Variants in PARP12 observed in about 807,000 individuals in gnomAD.
PARP12 encodes the protein poly(ADP-ribose) polymerase family member 12, also known as protein mono-ADP-ribosyltransferase PARP12.
In PARP12, 59 loss-of-function variants were observed where a neutral mutation model predicts 72.4. That is an observed-to-expected ratio of 0.81 (90% CI 0.66 to 1.01). The LOEUF is 1.01. Ranked by LOEUF, PARP12 falls within the 50% of genes least tolerant of loss-of-function variation. PARP12 has a pLI of 0.00. For synonymous variants in PARP12, 403 were observed against 371.4 expected (o/e 1.09, Z -0.98); for missense variants, 851 against 914.0 (o/e 0.93, Z 0.89).
In PARP12 at chr7:140,054,719, G is replaced by C. The variant is rs199760576; in HGVS notation, c.805C>G (p.Gln269Glu). Residue 269 changes from glutamine (Q) to glutamate (E), a missense_variant, in exon 4 of 12, where the codon CAG (glutamine) becomes GAG (glutamate). By Grantham distance (29) the Gln-to-Glu change is conservative (BLOSUM62 2). Around this residue, in one of 3 missense-constraint regions of PARP12, gnomAD observed 492 missense variants for 489.3 expected, o/e 1.01. Coordinates refer to ENST00000263549, the MANE Select transcript of PARP12 (RefSeq NM_022750.4). ...AAACAGATCTGATCACCCTCCTCCT[G>C]GCTAAGAGTGTTTGGGGACACAGAA... ...SGSVSPNTLSQEEGDQICLYH... is the reference protein window; with the variant it reads ...SGSVSPNTLSEEEGDQICLYH... The C allele has an allele frequency of 2.5e-6, 4 of 1,614,086 alleles. No homozygotes were observed. The highest frequency in any genetic ancestry group is 1.7e-6 in the Non-Finnish European group (2 of 1,179,960).
intron 1 of PARP12, among the ~76,000 whole-genome samples, chr7:140,058,727 G>A (rs1172922200): frequency 6.6e-6 from 1 of 152,152 alleles, no homozygotes; most frequent in African/African-American, 2.4e-5. Flanking sequence ...CTGGCAAACT[G>A]AAAGCTGATA....
chr7:140,062,545 G>A lies in PARP12; in HGVS notation c.303C>T (p.Gly101=), dbSNP rs374755899. 3.9e-6 allele frequency: 6 copies of A among 1,555,294 alleles called. No individual in the cohort carries two copies. The highest frequency in any genetic ancestry group is 2.7e-5 in the African/African-American group (2 of 72,950). ...QLHLCRFMVY[G]ACKFLRAGKN... ...ACCCGGCTCTCAGGAACTTGCAGGC[G>A]CCGTAGACCATGAACCTGCAGAGGT... The change falls in exon 1 of 12, where the codon GGC becomes GGT. Residue 101 remains glycine, a synonymous_variant. Transcript: ENST00000263549.
At position 140,025,023 on chromosome 7, in the gene PARP12, G is replaced by C. The variant is rs1248569852; in HGVS notation, c.1781-138C>G. The C allele has an allele frequency of 4.1e-6, 3 of 737,936 alleles. No individual in the cohort carries two copies. The African/African-American group carries it at 5.3e-5, about 13-fold the overall frequency. The allele number at this position is 737,936 out of a possible 1,614,324, so 45.7% of individuals were successfully genotyped here. A position where few individuals can be genotyped will look rare whatever the true frequency, so the allele number is the denominator to read the frequency against. On this transcript the variant is annotated intron_variant, in intron 11 of 11. Transcript: ENST00000263549. ...CCCGCATCTCCCTCCCTCCCTCTGT[G>C]CCATGTCTCCACTCTCCCTCATGAA... is the stretch of plus-strand genomic sequence containing the variant.
Position 140,054,850 on chromosome 7 carries a change from A to T in PARP12, c.761-87T>A. On this transcript the variant is annotated intron_variant, in intron 3 of 11. Coordinates refer to ENST00000263549, the MANE Select transcript of PARP12 (RefSeq NM_022750.4). ...GAGGATTCATTCAGTTCTCTGCACA[A>T]AAGTGGGCAACGCAAGCTCACAAAG... 1.4e-5 allele frequency: 16 copies of T among 1,171,980 alleles called. No homozygotes were observed. In the South Asian group the frequency reaches 1.9e-4, roughly 14 times the overall value. The allele number at this position is 1,171,980 out of a possible 1,614,324, so 72.6% of individuals were successfully genotyped here. A position where few individuals can be genotyped will look rare whatever the true frequency, so the allele number is the denominator to read the frequency against.
chr7:140,053,755 T>C (rs1055974502), intron 4 of PARP12, among the ~76,000 whole-genome samples: 1 of 152,164 alleles, frequency 6.6e-6, no homozygotes, highest in South Asian at 2.1e-4. Context: ...TACTACACAC[T>C]TGTTTTTAAA....
At chr7:140,046,554 A>AC (rs1816730244) in intron 5 of PARP12, among the ~76,000 whole-genome samples, 1 of 152,260 alleles carries the variant, frequency 6.6e-6, no homozygotes, top group African/African-American at 2.4e-5. Flanking sequence ...CAATCCCAGC[A>AC]CCAAACAATT....
chr7:140,025,170 C>T, intron 11 of PARP12: 1 of 428,330 alleles, frequency 2.3e-6, no homozygotes, highest in Non-Finnish European at 4.3e-6. Context: ...GGCCTGTGGA[C>T]ACGTCACTAC....
At position 140,024,756 on chromosome 7, in the gene PARP12, G is replaced by T. The variant is rs35360282; in HGVS notation, c.1910C>A (p.Pro637Gln). The T allele has an allele frequency of 6.2e-7, 1 of 1,614,028 alleles. No homozygotes were observed. Among genetic ancestry groups the T allele is most frequent in the Non-Finnish European group, 8.5e-7 (1 of 1,179,890 alleles). Reference protein sequence around the residue: ...FVRGNASFVRPPAKEGWSNAF... With the variant: ...FVRGNASFVRQPAKEGWSNAF... ...GTTGCTCCAGCCCTCCTTGGCCGGC[G>T]GACGGACAAAGGAGGCATTGCCCCT... is the stretch of plus-strand genomic sequence containing the variant. Residue 637 changes from proline (P) to glutamine (Q), a missense_variant, in exon 12 of 12, where the codon CCG (proline) becomes CAG (glutamine). Around this residue, in one of 3 missense-constraint regions of PARP12, gnomAD observed 347 missense variants for 396.1 expected, o/e 0.88. Coordinates refer to ENST00000263549, the MANE Select transcript of PARP12 (RefSeq NM_022750.4).
intron 8 of PARP12, chr7:140,033,188 C>T (rs1303985858): frequency 1.0e-6 from 1 of 985,148 alleles, no homozygotes; most frequent in Non-Finnish European, 1.2e-6. Context: ...TCACTGCACC[C>T]AGCGCAAAAA....
intron 4 of PARP12, among the ~76,000 whole-genome samples, chr7:140,053,141 A>G (rs745363769): frequency 2.6e-5 from 4 of 152,254 alleles, no homozygotes; most frequent in Non-Finnish European, 5.9e-5. Context: ...AAACTTATAC[A>G]TAAATATTTA....
chr7:140,052,008 T>C (rs753170480), intron 4 of PARP12, among the ~76,000 whole-genome samples: 40 of 152,234 alleles, frequency 2.6e-4, no homozygotes, highest in Non-Finnish European at 4.7e-4. Flanking sequence ...TCCTGATCAC[T>C]TCTGCTGTGA....
intron 8 of PARP12, among the ~76,000 whole-genome samples, chr7:140,031,372 CATAAATAA>C (rs3082658): frequency 3.3e-5 from 5 of 151,936 alleles, no homozygotes; most frequent in African/African-American, 1.2e-4. Flanking sequence ...GACCCTGTCT[CATAAATAA>C]ATAAATAAAT....
At chr7:140,032,773 T>A (rs1401419725) in intron 8 of PARP12, among the ~76,000 whole-genome samples, 1 of 152,140 alleles carries the variant, frequency 6.6e-6, no homozygotes, top group Non-Finnish European at 1.5e-5. Flanking sequence ...TATGTATGTA[T>A]GCAAATGCTT....
intron 4 of PARP12, among the ~76,000 whole-genome samples, chr7:140,053,638 T>C (rs965927728): frequency 9.9e-5 from 15 of 152,162 alleles, no homozygotes; most frequent in African/African-American, 3.6e-4. Flanking sequence ...TGTGTATATA[T>C]ATATAGCTCA....
chr7:140,027,805 C>T (rs780615827), intron 9 of PARP12: 5 of 179,116 alleles, frequency 2.8e-5, no homozygotes, highest in Non-Finnish European at 6.0e-5. Flanking sequence ...ACACGTGATG[C>T]TTAAGCCACC....
In PARP12 at chr7:140,024,609, G is replaced by A; in HGVS notation, c.2057C>T (p.Thr686Ile). ...GCCCAAGGCCAGCAGGATGGAGGGTGTGACCGAGGGCTTGGAGGAGGTGGT... is the reference window on the plus strand; with the variant it reads ...GCCCAAGGCCAGCAGGATGGAGGGTATGACCGAGGGCTTGGAGGAGGTGGT... Reference protein sequence around the residue: ...QYTTSSKPSVTPSILLALGSL... With the variant: ...QYTTSSKPSVIPSILLALGSL... Residue 686 changes from threonine to isoleucine, a missense_variant, in exon 12 of 12, where the codon ACA (threonine) becomes ATA (isoleucine). Physicochemically the swap from Thr to Ile is moderately conservative, Grantham distance 89 (BLOSUM62 -1). Coordinates refer to ENST00000263549, the MANE Select transcript of PARP12 (RefSeq NM_022750.4). 6.2e-7 allele frequency: 1 copy of A among 1,614,218 alleles called. No homozygotes were observed. Among genetic ancestry groups the A allele is most frequent in the Non-Finnish European group, 8.5e-7 (1 of 1,180,042 alleles).
chr7:140,046,852 C>A, intron 5 of PARP12, 32 bp downstream of exon 5: 2 of 1,598,302 alleles, frequency 1.3e-6, no homozygotes, highest in Non-Finnish European at 1.7e-6. Flanking sequence ...GAAGCCCAGG[C>A]ACAAAGCAGA....
chr7:140,032,853 A>G (rs1281368638), intron 8 of PARP12, among the ~76,000 whole-genome samples: 1 of 152,208 alleles, frequency 6.6e-6, no homozygotes, highest in Non-Finnish European at 1.5e-5. Context: ...AACAGGGTAG[A>G]GATAACAGGG....
chr7:140,050,686 T>C (rs1418974276), intron 4 of PARP12, among the ~76,000 whole-genome samples: 1 of 152,162 alleles, frequency 6.6e-6, no homozygotes, highest in Non-Finnish European at 1.5e-5. Context: ...GAACAAGTAT[T>C]CACAGCTAGA....
Sources: gnomAD v4.1 joint callset for allele counts (sites outside exome capture counted in the v4.1 genomes callset) on GRCh38, gnomAD v4.1.1 for gene constraint, gnomAD v4.1.1 regional missense constraint, MANE v1.5 for transcripts, NCBI Gene and HGNC (gene_info 2026-07-23, HGNC 2026-07-21) for gene names.